ZMYND8: variants seen among roughly 807,000 people sequenced by gnomAD.
ZMYND8 encodes zinc finger MYND-type containing 8, also known as MYND-type zinc finger-containing chromatin reader ZMYND8.
A neutral mutation model predicts 140.8 loss-of-function variants in ZMYND8; 37 were observed. The observed-to-expected ratio is 0.26, with a 90% CI of 0.20 to 0.35. ZMYND8 has a LOEUF of 0.35. ZMYND8 is among the 10% of genes least tolerant of loss of function. The probability of loss-of-function intolerance (pLI) is 1.00; values close to 1 mark genes in which losing one functional copy is unlikely to be tolerated. For synonymous variants in ZMYND8, 592 were observed against 597.1 expected, an observed-to-expected ratio of 0.99 and a Z score of 0.12; for missense variants, 1,068 against 1,570.0, an observed-to-expected ratio of 0.68 and a Z score of 5.40.
intron 14 of ZMYND8, among the ~76,000 whole-genome samples, chr20:47,240,094 C>A (rs2039760734): frequency 6.6e-6 from 1 of 151,400 alleles, no homozygotes; most frequent in Non-Finnish European, 1.5e-5. Flanking sequence ...AAAAAATTAG[C>A]CAGACGTGGT....
At chr20:47,310,294 C>T in intron 2 of ZMYND8, 90 bp from the exon 3 acceptor site, 2 of 1,474,730 alleles carry the variant, frequency 1.4e-6, no homozygotes, top group South Asian at 1.4e-5. Flanking sequence ...AGTGTGGGAA[C>T]AGAGTGCATT....
At chr20:47,214,388 G>A (rs1228554762) in intron 21 of ZMYND8, among the ~76,000 whole-genome samples, 1 of 152,192 alleles carries the variant, frequency 6.6e-6, no homozygotes, top group Non-Finnish European at 1.5e-5. Context: ...CTGCGGCACT[G>A]ACTGCAAAAC....
At chr20:47,237,200 T>C (rs1255904132) in intron 15 of ZMYND8, 4 of 151,562 alleles carry the variant, frequency 2.6e-5, no homozygotes, top group African/African-American at 9.7e-5. Context: ...TGGAGTGCAG[T>C]GGTGCAATCT....
intron 2 of ZMYND8, among the ~76,000 whole-genome samples, chr20:47,335,428 C>CA (rs2081316645): frequency 6.6e-6 from 1 of 152,008 alleles, no homozygotes; most frequent in Admixed American, 6.6e-5. Context: ...CTCACCCCCC[C>CA]ACAGCCATGA....
At position 47,298,681 on chromosome 20, in the gene ZMYND8, AAGGAG is replaced by A; in HGVS notation, c.453+43_453+47del. 1 of 1,568,882 alleles carries A rather than the reference AAGGAG, an allele frequency of 6.4e-7. No homozygotes were observed. Among genetic ancestry groups the A allele is most frequent in the Admixed American group, 1.9e-5 (1 of 53,492 alleles). On this transcript the variant is annotated intron_variant, in intron 4 of 22. Transcript: ENST00000471951. The surrounding 1 kb of genome is among the most constrained non-coding windows in gnomAD (Gnocchi z 5.0). Reference sequence around the variant, plus strand: ...TTTAAAAATAAAAGGAAGAAAGAGAAAGGAGAGGAAACGAGGCAGGTAATGCATTC... The same window carrying A: ...TTTAAAAATAAAAGGAAGAAAGAGAAAGGAAACGAGGCAGGTAATGCATTC...
At chr20:47,303,107 G>A (rs2078196151) in intron 3 of ZMYND8, among the ~76,000 whole-genome samples, 1 of 152,108 alleles carries the variant, frequency 6.6e-6, no homozygotes, top group South Asian at 2.1e-4. Flanking sequence ...AACCACTAAT[G>A]TAGAGGGTCT....
chr20:47,352,537 A>G, intron 1 of ZMYND8: 1 of 985,476 alleles, frequency 1.0e-6, no homozygotes, highest in South Asian at 4.7e-5. Context: ...TGGGTTTTGC[A>G]AAACCCGCTT....
At chr20:47,232,888 TTTTTTTTTG>T (rs1457234145) in intron 16 of ZMYND8, among the ~76,000 whole-genome samples, 8 of 90,380 alleles carry the variant, frequency 8.9e-5, no homozygotes, top group African/African-American at 4.0e-4. Context: ...CTCCCCCATG[TTTTTTTTTG>T]TTTTTTTTGT....
chr20:47,267,818 T>TCAA (rs2075643548), intron 11 of ZMYND8, among the ~76,000 whole-genome samples: 1 of 152,196 alleles, frequency 6.6e-6, no homozygotes, highest in African/African-American at 2.4e-5. Context: ...TGTTCACACC[T>TCAA]CAAGCCTTTG....
In ZMYND8 at chr20:47,318,346, CAGCAA is replaced by C. The variant is rs1472602516; in HGVS notation, c.86-8147_86-8143del. On this transcript the variant is annotated intron_variant, in intron 2 of 22. Coordinates refer to ENST00000471951, the MANE Select transcript of ZMYND8 (RefSeq NM_001281775.3). ...CCACACACTGCTGCTCCCCCAGAAGCAGCAAAGCAGAGCATGGTTAATCACTTCAA... is the reference window on the plus strand; with the variant it reads ...CCACACACTGCTGCTCCCCCAGAAGCAGCAGAGCATGGTTAATCACTTCAA... 2.6e-5 allele frequency among the ~76,000 whole-genome samples: 4 copies of C among 152,152 alleles called. No homozygotes were observed. The East Asian group carries it at 7.7e-4, about 29-fold the overall frequency.
At chr20:47,325,064 C>A (rs1424549785) in intron 2 of ZMYND8, among the ~76,000 whole-genome samples, 3 of 152,132 alleles carry the variant, frequency 2.0e-5, no homozygotes, top group Non-Finnish European at 4.4e-5. Flanking sequence ...GCCACCACGC[C>A]CAGCTAATTT....
At chr20:47,315,741 C>G (rs2079336733) in intron 2 of ZMYND8, among the ~76,000 whole-genome samples, 1 of 152,356 alleles carries the variant, frequency 6.6e-6, no homozygotes, top group South Asian at 2.1e-4. Context: ...CCACTGTCGA[C>G]TGAACCACTG....
chr20:47,244,231 C>A (rs1257626342), intron 14 of ZMYND8, among the ~76,000 whole-genome samples: 1 of 152,216 alleles, frequency 6.6e-6, no homozygotes, highest in Non-Finnish European at 1.5e-5. Context: ...CAAGTTAGCT[C>A]CTGATAGAAG....
chr20:47,290,583 GTTTTTTTT>G (rs71183240), intron 6 of ZMYND8, among the ~76,000 whole-genome samples: 8 of 64,084 alleles, frequency 1.2e-4, no homozygotes, highest in Non-Finnish European at 1.9e-4. Context: ...TATTTATTTA[GTTTTTTTT>G]TTTTTTTTTT....
rs765178305 is a variant in ZMYND8, at chr20:47,210,619, G to A, written c.*142C>T. 2.2e-5 allele frequency: 30 copies of A among 1,379,072 alleles called. No individual in the cohort carries two copies. The highest frequency in any genetic ancestry group is 9.3e-5 in the East Asian group (4 of 43,102). 85.4% of individuals were successfully genotyped at this position (1,379,072 alleles called of 1,614,324 possible). ...GGTGTCCTGTAGTGTAGCAGCCCCC[G>A]CGCCGGGGGCTCAGGCTCAACTGAG... is the stretch of plus-strand genomic sequence containing the variant. On this transcript the variant is annotated 3_prime_UTR_variant, in exon 23 of 23. Transcript: ENST00000471951.
chr20:47,224,293 G>A, intron 19 of ZMYND8, 24 bp downstream of exon 19: 1 of 1,612,892 alleles, frequency 6.2e-7, no homozygotes, highest in Non-Finnish European at 8.5e-7. Context: ...GCCCAGGACG[G>A]GAGGCAGCCC....
rs572457354 is a variant in ZMYND8 at position 47,337,365 on chromosome 20, T to C, written c.85+10491A>G. 4.7e-5 allele frequency among the ~76,000 whole-genome samples: 7 copies of C among 149,342 alleles called. No individual in the cohort carries two copies. The South Asian group carries it at 1.5e-3, about 32-fold the overall frequency. On this transcript the variant is annotated intron_variant, in intron 2 of 22. Transcript: ENST00000471951. The stretch of plus-strand genomic sequence containing the variant: ...GTCTCAAAAAAATAAATAAATAAAA[T>C]AAAATAAAATAAATCAAAGGGCCGG...
intron 1 of ZMYND8, 21 bp from the exon 2 acceptor site, chr20:47,347,947 T>C: frequency 6.2e-7 from 1 of 1,613,110 alleles, no homozygotes; most frequent in Non-Finnish European, 8.5e-7. Flanking sequence ...GCAAATTATG[T>C]TCATGTTTAG....
intron 21 of ZMYND8, among the ~76,000 whole-genome samples, chr20:47,218,388 G>A (rs755824977): frequency 2.0e-4 from 31 of 152,130 alleles, no homozygotes; most frequent in Non-Finnish European, 4.4e-5. Context: ...CACCACTTGT[G>A]CCATTTCGAC....
Sources: allele counts gnomAD v4.1 joint callset (sites outside exome capture counted in the v4.1 genomes callset), GRCh38; gene constraint gnomAD v4.1.1; non-coding constraint Gnocchi (gnomAD v3.1); transcripts MANE v1.5; gene names NCBI Gene and HGNC (gene_info 2026-07-23, HGNC 2026-07-21).